Variants in BTC observed in about 807,000 individuals in gnomAD.
The protein encoded by BTC is betacellulin.
A neutral mutation model predicts 18.1 loss-of-function variants in BTC; 13 were observed. The observed-to-expected ratio is 0.72, with a 90% confidence interval of 0.47 to 1.14. The LOEUF is 1.14. Ranked by LOEUF, BTC falls within the 50% of genes most tolerant of loss-of-function variation. The pLI is 0.00. For missense variants in BTC, 247 were observed against 224.2 expected, an observed-to-expected ratio of 1.10 and a Z score of -0.65; for synonymous variants, 83 against 79.4, an observed-to-expected ratio of 1.05 and a Z score of -0.24.
chr4:74,774,805 T>G (rs895696630), intron 1 of BTC, among the ~76,000 whole-genome samples: 1 of 152,130 alleles, frequency 6.6e-6, no homozygotes, highest in African/African-American at 2.4e-5. Context: ...ACTGAAAAGT[T>G]TTAAGTGAGA....
chr4:74,765,103 CA>C (rs1449454322), intron 2 of BTC, among the ~76,000 whole-genome samples: 1 of 89,764 alleles, frequency 1.1e-5, no homozygotes, highest in Non-Finnish European at 2.0e-5. Flanking sequence ...GACACCAACA[CA>C]GCAAGTTAAG....
At chr4:74,748,317 G>C (rs1724348101) in intron 4 of BTC, among the ~76,000 whole-genome samples, 168 bp from the exon 5 acceptor site, 1 of 152,136 alleles carries the variant, frequency 6.6e-6, no homozygotes, top group Non-Finnish European at 1.5e-5. Flanking sequence ...GGGAGGCCGA[G>C]GCAGGTGGAT....
rs148461822 is a variant in BTC at position 74,790,112 on chromosome 4, G to A, written c.64+4150C>T. Among the ~76,000 whole-genome samples the A allele has an allele frequency of 6.0e-3, 913 of 152,158 alleles. 14 individuals carry two copies. Among genetic ancestry groups the A allele is most frequent in the African/African-American group, 0.02 (833 of 41,492 alleles). ...ATCTATTACCTATTTCATAACTAGC[G>A]GGAGCAGGAATTTGAGAAATGAAGG... On this transcript the variant is annotated intron_variant, in intron 1 of 5. Coordinates refer to ENST00000395743, the MANE Select transcript of BTC (RefSeq NM_001729.4).
At chr4:74,751,209 C>A (rs1304633932) in intron 3 of BTC, among the ~76,000 whole-genome samples, 1 of 152,106 alleles carries the variant, frequency 6.6e-6, no homozygotes, top group Non-Finnish European at 1.5e-5. Flanking sequence ...ACACAATGTT[C>A]CATAAACGTT....
intron 1 of BTC, among the ~76,000 whole-genome samples, chr4:74,784,245 A>G (rs556663035): frequency 5.9e-4 from 89 of 151,822 alleles, no homozygotes; most frequent in African/African-American, 2.1e-3. Context: ...AAAAAAAAAA[A>G]AAAAGAAAAA....
At chr4:74,781,402 T>TGTGTGC (rs1267067294) in intron 1 of BTC, among the ~76,000 whole-genome samples, 1 of 151,940 alleles carries the variant, frequency 6.6e-6, no homozygotes, top group African/African-American at 2.4e-5. Flanking sequence ...TGTGTGTGTG[T>TGTGTGC]GTGTGTGTGT....
intron 3 of BTC, among the ~76,000 whole-genome samples, chr4:74,752,379 C>CTTT (rs5859439): frequency 1.1e-4 from 14 of 133,258 alleles, no homozygotes; most frequent in East Asian, 2.2e-4. Context: ...GGGGGAATCA[C>CTTT]TTTTTTTTTT....
intron 1 of BTC, among the ~76,000 whole-genome samples, chr4:74,782,178 A>G (rs553580476): frequency 6.6e-6 from 1 of 152,144 alleles, no homozygotes; most frequent in Non-Finnish European, 1.5e-5. Flanking sequence ...GTAAACATGT[A>G]CCATAGTGGT....
At chr4:74,782,193 T>C (rs1289699341) in intron 1 of BTC, among the ~76,000 whole-genome samples, 2 of 152,148 alleles carry the variant, frequency 1.3e-5, no homozygotes, top group African/African-American at 4.8e-5. Flanking sequence ...AGTGGTTTGC[T>C]ACACACATCA....
chr4:74,792,833 G>A (rs1560728752), intron 1 of BTC, among the ~76,000 whole-genome samples: 1 of 152,138 alleles, frequency 6.6e-6, no homozygotes, highest in East Asian at 1.9e-4. Flanking sequence ...CCGCTGTTGA[G>A]CTCTTTCTCC....
chr4:74,777,546 T>C (rs1725208901), intron 1 of BTC, among the ~76,000 whole-genome samples: 1 of 152,336 alleles, frequency 6.6e-6, no homozygotes, highest in Non-Finnish European at 1.5e-5. Context: ...TTCTACAGTA[T>C]GCTTTTTTGT....
chr4:74,772,504 C>G (rs1331479242), intron 1 of BTC, among the ~76,000 whole-genome samples: 2 of 151,930 alleles, frequency 1.3e-5, no homozygotes, highest in Non-Finnish European at 2.9e-5. Flanking sequence ...TATAAACGAA[C>G]AAGAAAAAAA....
intron 1 of BTC, among the ~76,000 whole-genome samples, chr4:74,787,606 T>A (rs955844478): frequency 6.6e-6 from 1 of 152,224 alleles, no homozygotes; most frequent in Non-Finnish European, 1.5e-5. Flanking sequence ...TTATGTGTGA[T>A]TCTTTGCAGA....
chr4:74,774,568 T>C (rs1014220499), intron 1 of BTC, among the ~76,000 whole-genome samples: 2 of 151,048 alleles, frequency 1.3e-5, no homozygotes, highest in African/African-American at 4.9e-5. Context: ...ACAAATAAAG[T>C]TGTAGTTAAC....
intron 4 of BTC, among the ~76,000 whole-genome samples, chr4:74,749,050 C>G (rs1409526880): frequency 6.6e-6 from 1 of 152,140 alleles, no homozygotes; most frequent in Non-Finnish European, 1.5e-5. Context: ...GTTTAACACT[C>G]TTGTTTTACA....
At chr4:74,771,491 C>T (rs1725037874) in intron 1 of BTC, among the ~76,000 whole-genome samples, 1 of 152,178 alleles carries the variant, frequency 6.6e-6, no homozygotes. Flanking sequence ...GCTAGATCCT[C>T]AAGTTGCCCC....
chr4:74,774,797 T>C (rs1725134427), intron 1 of BTC, among the ~76,000 whole-genome samples: 1 of 152,056 alleles, frequency 6.6e-6, no homozygotes, highest in African/African-American at 2.4e-5. Flanking sequence ...TTGAGACCAC[T>C]GAAAAGTTTT....
At chr4:74,752,896 T>C (rs1553956333) in intron 3 of BTC, among the ~76,000 whole-genome samples, 1 of 152,234 alleles carries the variant, frequency 6.6e-6, no homozygotes, top group Admixed American at 6.5e-5. Context: ...TGCTGTGGGA[T>C]TGGTGGCTTA....
intron 1 of BTC, among the ~76,000 whole-genome samples, chr4:74,772,786 T>C (rs1725077641): frequency 6.6e-6 from 1 of 152,180 alleles, no homozygotes; most frequent in Non-Finnish European, 1.5e-5. Flanking sequence ...GCACATAATA[T>C]ACAATTTGCA....
Sources: allele counts gnomAD v4.1 joint callset (sites outside exome capture counted in the v4.1 genomes callset), GRCh38; gene constraint gnomAD v4.1.1; transcripts MANE v1.5; gene names NCBI Gene and HGNC (gene_info 2026-07-23, HGNC 2026-07-21).